Variants in INPP4B observed in about 807,000 individuals in gnomAD.
INPP4B encodes inositol polyphosphate 4-phosphatase type II.
INPP4B carries 55 observed loss-of-function variants against 122.5 expected under a neutral mutation model. The observed-to-expected ratio is 0.45, with a 90% CI of 0.36 to 0.56. INPP4B has a LOEUF of 0.56. Ranked by LOEUF, INPP4B falls within the 20% of genes least tolerant of loss-of-function variation. The probability of loss-of-function intolerance (pLI) is 0.00; values close to 1 mark genes in which losing one functional copy is unlikely to be tolerated. For synonymous variants in INPP4B, 403 were observed against 388.7 expected, an observed-to-expected ratio of 1.04 and a Z score of -0.43; for missense variants, 1,000 against 1,097.7, an observed-to-expected ratio of 0.91 and a Z score of 1.26.
intron 2 of INPP4B, among the ~76,000 whole-genome samples, chr4:142,614,095 G>T (rs1743173677): frequency 6.6e-6 from 1 of 152,144 alleles, no homozygotes; most frequent in East Asian, 1.9e-4. Context: ...ACAGATCAAT[G>T]GAACAGAACA....
intron 7 of INPP4B, among the ~76,000 whole-genome samples, chr4:142,335,636 G>A (rs1203986751): frequency 6.6e-6 from 1 of 152,164 alleles, no homozygotes; most frequent in African/African-American, 2.4e-5. Context: ...TAAAAACAGT[G>A]ACACTAAGCA....
At chr4:142,133,209 A>T (rs1802207797) in intron 18 of INPP4B, among the ~76,000 whole-genome samples, 1 of 152,108 alleles carries the variant, frequency 6.6e-6, no homozygotes, top group Non-Finnish European at 1.5e-5. Flanking sequence ...CTGTACACTC[A>T]ATCCCTGCTG....
At chr4:142,691,539 T>G (rs1359670906) in intron 2 of INPP4B, among the ~76,000 whole-genome samples, 1 of 152,096 alleles carries the variant, frequency 6.6e-6, no homozygotes, top group Non-Finnish European at 1.5e-5. Context: ...CTTGCAAGTA[T>G]TAATAAAATC....
chr4:142,172,566 C>A (rs1329413292), intron 16 of INPP4B, among the ~76,000 whole-genome samples: 2 of 151,904 alleles, frequency 1.3e-5, no homozygotes, highest in Non-Finnish European at 2.9e-5. Context: ...ATTTATTAGA[C>A]AATTCACTCG....
At chr4:142,358,974 C>T (rs765552028) in intron 7 of INPP4B, among the ~76,000 whole-genome samples, 7 of 151,874 alleles carry the variant, frequency 4.6e-5, no homozygotes, top group African/African-American at 1.7e-4. Context: ...GGATACTTTC[C>T]GTGTTTTAGA....
At chr4:142,771,742 T>C (rs1773105217) in intron 1 of INPP4B, among the ~76,000 whole-genome samples, 1 of 152,084 alleles carries the variant, frequency 6.6e-6, no homozygotes, top group Admixed American at 6.5e-5. Flanking sequence ...TGATCTGATT[T>C]TGTAAACCAA....
At chr4:142,637,167 G>C (rs1000083867) in intron 2 of INPP4B, among the ~76,000 whole-genome samples, 1 of 152,136 alleles carries the variant, frequency 6.6e-6, no homozygotes, top group African/African-American at 2.4e-5. Flanking sequence ...TGGTACATTT[G>C]TTAGAATGGA....
chr4:142,542,489 TACA>T (rs752011186), intron 2 of INPP4B, among the ~76,000 whole-genome samples: 1 of 152,210 alleles, frequency 6.6e-6, no homozygotes, highest in Non-Finnish European at 1.5e-5. Flanking sequence ...ATGTGTCTGA[TACA>T]ACATTTAAAT....
intron 2 of INPP4B, among the ~76,000 whole-genome samples, chr4:142,697,196 A>C (rs1013572785): frequency 3.9e-5 from 6 of 152,190 alleles, no homozygotes; most frequent in Non-Finnish European, 7.3e-5. Context: ...CATTTAAATT[A>C]TATGGTTTTG....
intron 1 of INPP4B, among the ~76,000 whole-genome samples, chr4:142,806,414 C>A (rs1242671933): frequency 1.3e-5 from 2 of 150,956 alleles, no homozygotes; most frequent in African/African-American, 4.9e-5. Context: ...AAAAGAAACA[C>A]CTTTCTCTAA....
chr4:142,572,783 G>C (rs1261922614), intron 2 of INPP4B, among the ~76,000 whole-genome samples: 1 of 151,802 alleles, frequency 6.6e-6, no homozygotes, highest in Non-Finnish European at 1.5e-5. Flanking sequence ...CCATGTTTAT[G>C]AGTACCATAA....
intron 1 of INPP4B, among the ~76,000 whole-genome samples, chr4:142,730,974 T>C (rs540510265): frequency 4.0e-4 from 61 of 152,058 alleles, no homozygotes; most frequent in Non-Finnish European, 6.8e-4. Flanking sequence ...TTAAATTTAA[T>C]TTTACTTTAT....
At chr4:142,406,085 TTCC>T (rs1803295559) in intron 5 of INPP4B, among the ~76,000 whole-genome samples, 1 of 152,164 alleles carries the variant, frequency 6.6e-6, no homozygotes, top group African/African-American at 2.4e-5. Flanking sequence ...CAGAAAAATA[TTCC>T]TTTTAAGCAA....
chr4:142,657,890 T>C (rs1754453808), intron 2 of INPP4B, among the ~76,000 whole-genome samples: 1 of 152,226 alleles, frequency 6.6e-6, no homozygotes, highest in South Asian at 2.1e-4. Flanking sequence ...CAAAATTGTC[T>C]TTTTTGACAC....
chr4:142,303,955 C>T (rs1031643335), intron 9 of INPP4B, among the ~76,000 whole-genome samples: 1 of 152,000 alleles, frequency 6.6e-6, no homozygotes, highest in African/African-American at 2.4e-5. Context: ...CTGCTTGTCC[C>T]CTGATTTCTG....
intron 3 of INPP4B, among the ~76,000 whole-genome samples, chr4:142,458,889 C>T (rs967627834): frequency 2.0e-5 from 3 of 152,102 alleles, no homozygotes; most frequent in African/African-American, 7.2e-5. Context: ...TAAGTTAAGG[C>T]CACAAGGAAA....
intron 1 of INPP4B, among the ~76,000 whole-genome samples, chr4:142,810,124 C>T (rs1202133706): frequency 5.4e-5 from 8 of 148,528 alleles, no homozygotes; most frequent in Admixed American, 6.8e-5. Flanking sequence ...GAGCCGAGAT[C>T]GCGCCACTGT....
intron 3 of INPP4B, among the ~76,000 whole-genome samples, chr4:142,440,156 C>T (rs916050397): frequency 1.3e-5 from 2 of 152,088 alleles, no homozygotes; most frequent in East Asian, 1.9e-4. Flanking sequence ...TAAGAAGTCA[C>T]CATGTGCAAG....
At chr4:142,327,380 A>C (rs1772770039) in intron 7 of INPP4B, among the ~76,000 whole-genome samples, 1 of 152,114 alleles carries the variant, frequency 6.6e-6, no homozygotes, top group Non-Finnish European at 1.5e-5. Flanking sequence ...AAGATCACCA[A>C]ACCCCCCATA....
Sources: gnomAD v4.1 joint callset for allele counts (sites outside exome capture counted in the v4.1 genomes callset) on GRCh38, gnomAD v4.1.1 for gene constraint, MANE v1.5 for transcripts, NCBI Gene and HGNC (gene_info 2026-07-23, HGNC 2026-07-21) for gene names.